The following LRP1B variants were observed in gnomAD, a reference collection of about 807,000 sequenced individuals.
LRP1B encodes the protein low-density lipoprotein receptor-related protein 1B.
A neutral mutation model predicts 556.6 loss-of-function variants in LRP1B; 217 were observed. The ratio of observed to expected loss-of-function variants is 0.39; its 90% confidence interval spans 0.35 to 0.44. LRP1B has a LOEUF of 0.44. Among genes scored for constraint, LRP1B ranks in the 20% least tolerant of loss-of-function variants. LRP1B has a pLI of 1.00. For missense variants in LRP1B, 5,053 were observed against 5,620.8 expected (o/e 0.90, Z 3.23); for synonymous variants, 2,047 against 1,865.8 (o/e 1.10, Z -2.50).
At chr2:140,540,044 A>T (rs901602843) in intron 45 of LRP1B, among the ~76,000 whole-genome samples, 30 of 152,272 alleles carry the variant, frequency 2.0e-4, no homozygotes, top group African/African-American at 7.2e-4. Flanking sequence ...AAGCACTTGC[A>T]TTGAAGAGCA....
rs148052701 is a variant in LRP1B, at chr2:141,177,588, G to T, written c.1013+10833C>A. 3.9e-3 allele frequency among the ~76,000 whole-genome samples: 591 copies of T among 152,244 alleles called. 2 individuals carry two copies. Among genetic ancestry groups the T allele is most frequent in the Middle Eastern group, 0.027 (8 of 294 alleles). On this transcript the variant is annotated intron_variant, in intron 7 of 90. Transcript: ENST00000389484. ...TAAGTTTAAAAGCACAATATTAATAGTTGTATTAGTTACTATGTGATTGCT... is the reference window on the plus strand; with the variant it reads ...TAAGTTTAAAAGCACAATATTAATATTTGTATTAGTTACTATGTGATTGCT...
In LRP1B at chr2:140,475,333, A is replaced by G. The variant is rs1349067696; in HGVS notation, c.9430T>C (p.Leu3144=). 4.4e-6 allele frequency: 7 copies of G among 1,580,840 alleles called. No individual in the cohort carries two copies. Among genetic ancestry groups the G allele is most frequent in the Non-Finnish European group, 6.0e-6 (7 of 1,160,826 alleles). Residue 3144 remains leucine, a synonymous_variant, in exon 60 of 91, where the codon TTG becomes CTG. Coordinates refer to ENST00000389484, the MANE Select transcript of LRP1B (RefSeq NM_018557.3). ...TACTCGCAGCAGTCAATCCAATACA[A>G]ATATCTAGGAAAGAAAATCAATACT... ...DLSLDPQAGY[L]YWIDCCEYPH...
At chr2:141,209,767 A>T (rs1186211820) in intron 6 of LRP1B, among the ~76,000 whole-genome samples, 1 of 152,178 alleles carries the variant, frequency 6.6e-6, no homozygotes, top group Non-Finnish European at 1.5e-5. Context: ...AGAAAAGGAG[A>T]AAGTTAAGGG....
chr2:141,798,889 G>A (rs1400455234), intron 2 of LRP1B, among the ~76,000 whole-genome samples: 2 of 151,756 alleles, frequency 1.3e-5, no homozygotes, highest in African/African-American at 4.8e-5. Context: ...GGTTTTATGG[G>A]TGGGCCCTAA....
At chr2:141,951,309 C>G (rs991351220) in intron 1 of LRP1B, among the ~76,000 whole-genome samples, 5 of 151,982 alleles carry the variant, frequency 3.3e-5, no homozygotes, top group African/African-American at 1.2e-4. Context: ...TACACTGTAC[C>G]GAATAGTCTC....
intron 1 of LRP1B, among the ~76,000 whole-genome samples, chr2:141,978,172 C>T (rs1253238113): frequency 1.3e-5 from 2 of 152,074 alleles, no homozygotes; most frequent in East Asian, 3.9e-4. Context: ...AGTGAATGAA[C>T]TTATCTCCTT....
At chr2:140,929,280 AAC>A (rs1229491734) in intron 20 of LRP1B, among the ~76,000 whole-genome samples, 1 of 152,138 alleles carries the variant, frequency 6.6e-6, no homozygotes. Flanking sequence ...ATGCCAGGAG[AAC>A]ACACAGAGTG....
intron 32 of LRP1B, among the ~76,000 whole-genome samples, chr2:140,779,694 CAAAA>C (rs34083447): frequency 9.0e-5 from 6 of 66,892 alleles, no homozygotes; most frequent in East Asian, 4.6e-4. Context: ...GACTCTGTCT[CAAAA>C]AAAAAAAAAA....
chr2:140,398,507 CTT>C (rs1420784237), intron 66 of LRP1B, among the ~76,000 whole-genome samples: 20 of 117,148 alleles, frequency 1.7e-4, no homozygotes, highest in Admixed American at 4.8e-4. Flanking sequence ...TGTTTTTTCT[CTT>C]TCTTTCTCTT....
At chr2:140,445,440 G>T (rs188580927) in intron 63 of LRP1B, among the ~76,000 whole-genome samples, 1 of 151,986 alleles carries the variant, frequency 6.6e-6, no homozygotes, top group African/African-American at 2.4e-5. Context: ...CCAGCACAAC[G>T]TAAAGCAAAT....
intron 51 of LRP1B, among the ~76,000 whole-genome samples, chr2:140,514,122 T>C (rs1177945520): frequency 1.3e-5 from 2 of 152,046 alleles, no homozygotes; most frequent in Non-Finnish European, 2.9e-5. Context: ...GTGACACTAA[T>C]ACCTCTAATC....
intron 11 of LRP1B, among the ~76,000 whole-genome samples, chr2:141,048,240 C>T (rs1698935479): frequency 6.6e-6 from 1 of 152,052 alleles, no homozygotes; most frequent in South Asian, 2.1e-4. Flanking sequence ...GGTCCAGAAT[C>T]ATTAGTTAAC....
intron 47 of LRP1B, among the ~76,000 whole-genome samples, chr2:140,530,303 C>A (rs997462523): frequency 5.9e-5 from 9 of 151,952 alleles, no homozygotes; most frequent in Admixed American, 2.0e-4. Flanking sequence ...ATTGCACTGA[C>A]AATAGAAAGA....
intron 17 of LRP1B, 135 bp from the exon 18 acceptor site, chr2:140,982,411 C>A (rs1018701358): frequency 3.4e-6 from 2 of 586,380 alleles, no homozygotes; most frequent in Admixed American, 6.2e-5. Context: ...TTTAAAAGTC[C>A]ATTTTTATTT....
chr2:140,838,080 A>G (rs1691974963), intron 31 of LRP1B, among the ~76,000 whole-genome samples: 1 of 152,068 alleles, frequency 6.6e-6, no homozygotes, highest in Non-Finnish European at 1.5e-5. Flanking sequence ...AAAATTCTGA[A>G]TAGGAAACTG....
chr2:140,762,341 C>A (rs2104918310), intron 35 of LRP1B, among the ~76,000 whole-genome samples: 1 of 152,170 alleles, frequency 6.6e-6, no homozygotes, highest in Non-Finnish European at 1.5e-5. Flanking sequence ...CATCCTGAAA[C>A]CCAGTTTAAT....
At position 141,150,869 on chromosome 2, in the gene LRP1B, TTGTGTG is replaced by T. The variant is rs56107003; in HGVS notation, c.1013+37546_1013+37551del. Among the ~76,000 whole-genome samples the T allele has an allele frequency of 8.1e-3, 1,120 of 138,714 alleles. 7 individuals carry two copies. Among genetic ancestry groups the T allele is most frequent in the African/African-American group, 0.019 (727 of 37,356 alleles). The allele number at this position is 138,714 out of a possible 152,430, so 91.0% of individuals were successfully genotyped here. A position where few individuals can be genotyped will look rare whatever the true frequency, so the allele number is the denominator to read the frequency against. On this transcript the variant is annotated intron_variant, in intron 7 of 90. Transcript: ENST00000389484. ...ATGGCCTTCATATTGTCATGCTGGT[TTGTGTG>T]TGTGTGTGTGTGTGTGTGTGTGTGT...
At chr2:140,787,464 T>C (rs1689945469) in intron 32 of LRP1B, among the ~76,000 whole-genome samples, 1 of 151,978 alleles carries the variant, frequency 6.6e-6, no homozygotes, top group Admixed American at 6.6e-5. Context: ...TGATCCCTTA[T>C]GGGTTTGTGG....
chr2:140,601,669 T>C (rs368573723), intron 41 of LRP1B, 30 bp from the exon 42 acceptor site: 2 of 1,466,512 alleles, frequency 1.4e-6, no homozygotes, highest in South Asian at 1.4e-5. Flanking sequence ...AAAAAATATA[T>C]ACTTTTATTT....
Sources: allele counts gnomAD v4.1 joint callset (sites outside exome capture counted in the v4.1 genomes callset), GRCh38; gene constraint gnomAD v4.1.1; transcripts MANE v1.5; gene names NCBI Gene and HGNC (gene_info 2026-07-23, HGNC 2026-07-21).